Variants in HTR4 observed in about 807,000 individuals in gnomAD.
HTR4 encodes 5-hydroxytryptamine receptor 4.
HTR4 carries 16 observed loss-of-function variants against 36.8 expected under a neutral mutation model. That is an observed-to-expected ratio of 0.43 (90% confidence interval 0.29 to 0.66). The LOEUF is 0.66. HTR4 is among the 30% of genes least tolerant of loss of function. The pLI, the probability that HTR4 is intolerant of heterozygous loss-of-function variation, is 0.13. For missense variants in HTR4, 438 were observed against 490.9 expected (o/e 0.89, Z 1.02); for synonymous variants, 189 against 185.1 (o/e 1.02, Z -0.17).
chr5:148,631,373 AAG>A (rs933642574), intron 2 of HTR4, among the ~76,000 whole-genome samples: 4 of 152,136 alleles, frequency 2.6e-5, no homozygotes, highest in Admixed American at 2.6e-4. Context: ...TCCGAGCCTG[AAG>A]AGAGATTTCC....
intron 6 of HTR4, among the ~76,000 whole-genome samples, chr5:148,499,646 C>A (rs1756844857): frequency 6.6e-6 from 1 of 152,142 alleles, no homozygotes. Context: ...AGGGATGACT[C>A]AGAAAACTTG....
intron 5 of HTR4, among the ~76,000 whole-genome samples, chr5:148,468,501 G>A (rs1332174900): frequency 2.0e-5 from 3 of 152,166 alleles, no homozygotes; most frequent in African/African-American, 4.8e-5. Flanking sequence ...GGGATCCATA[G>A]GGGTGTCTTT....
intron 6 of HTR4, chr5:148,484,236 G>T (rs772766207): frequency 1.2e-6 from 2 of 1,605,160 alleles, no homozygotes; most frequent in Non-Finnish European, 1.7e-6. Flanking sequence ...TGTTGAGCAA[G>T]ATAAAACAGA....
intron 5 of HTR4, among the ~76,000 whole-genome samples, chr5:148,470,247 CCT>C (rs1489281040): frequency 6.6e-6 from 1 of 152,106 alleles, no homozygotes; most frequent in African/African-American, 2.4e-5. Flanking sequence ...TATATATAAG[CCT>C]CCTTTTTCAG....
chr5:148,559,092 G>A (rs1260037675), intron 2 of HTR4, among the ~76,000 whole-genome samples: 2 of 152,208 alleles, frequency 1.3e-5, no homozygotes, highest in Admixed American at 6.5e-5. Context: ...TAGAGCGTAG[G>A]TTGTTTACCT....
chr5:148,566,482 C>T (rs896048006), intron 2 of HTR4, among the ~76,000 whole-genome samples: 3 of 152,054 alleles, frequency 2.0e-5, no homozygotes, highest in Non-Finnish European at 2.9e-5. Context: ...GATCTGTGGA[C>T]GTGGTGGTGA....
At chr5:148,457,845 C>A (rs1000790069) in intron 5 of HTR4, among the ~76,000 whole-genome samples, 3 of 134,926 alleles carry the variant, frequency 2.2e-5, no homozygotes, top group South Asian at 2.3e-4. Flanking sequence ...TTTGTTATAT[C>A]ATTAAAATAT....
chr5:148,501,530 G>A (rs146642308), intron 6 of HTR4, among the ~76,000 whole-genome samples: 118 of 152,260 alleles, frequency 7.7e-4, no homozygotes, highest in African/African-American at 2.8e-3. Context: ...TAAAACAATT[G>A]ATCAGAAGAA....
intron 2 of HTR4, among the ~76,000 whole-genome samples, chr5:148,596,025 C>A (rs1319915690): frequency 6.6e-6 from 1 of 152,218 alleles, no homozygotes; most frequent in Admixed American, 6.5e-5. Context: ...GGCTGCAAAT[C>A]AATTGCAGCA....
At chr5:148,642,815 C>T (rs188784594) in intron 1 of HTR4, among the ~76,000 whole-genome samples, 5 of 152,234 alleles carry the variant, frequency 3.3e-5, no homozygotes, top group East Asian at 3.9e-4. Flanking sequence ...TTATAGGATG[C>T]TGTCCTAGCA....
intron 2 of HTR4, among the ~76,000 whole-genome samples, chr5:148,569,062 AAGAC>A (rs1220064392): frequency 6.6e-6 from 1 of 151,610 alleles, no homozygotes; most frequent in East Asian, 1.9e-4. Context: ...TTGTAGGGTC[AAGAC>A]AGACAGAAGA....
intron 5 of HTR4, among the ~76,000 whole-genome samples, chr5:148,451,994 C>T (rs982502917): frequency 6.6e-6 from 1 of 152,210 alleles, no homozygotes; most frequent in Non-Finnish European, 1.5e-5. Flanking sequence ...GTTCACCACT[C>T]ATTTCTCTGA....
chr5:148,638,247 G>A (rs1753615397), intron 1 of HTR4, among the ~76,000 whole-genome samples: 1 of 152,210 alleles, frequency 6.6e-6, no homozygotes, highest in South Asian at 2.1e-4. Flanking sequence ...TTCTGGGCCT[G>A]GGGCAGGCAT....
At chr5:148,615,244 A>G (rs946516583) in intron 2 of HTR4, among the ~76,000 whole-genome samples, 18 of 152,150 alleles carry the variant, frequency 1.2e-4, no homozygotes, top group East Asian at 3.9e-4. Flanking sequence ...TGTTTATTGC[A>G]GCATTATTCA....
chr5:148,587,716 G>A (rs1351323607), intron 2 of HTR4, among the ~76,000 whole-genome samples: 1 of 152,144 alleles, frequency 6.6e-6, no homozygotes, highest in Non-Finnish European at 1.5e-5. Flanking sequence ...GATCCAAACT[G>A]TGGGAGAGAA....
intron 2 of HTR4, among the ~76,000 whole-genome samples, chr5:148,576,110 CAAAAAAAAAA>C (rs781780161): frequency 4.0e-4 from 13 of 32,708 alleles, no homozygotes; most frequent in African/African-American, 1.5e-3. Flanking sequence ...GACTCCGTCT[CAAAAAAAAAA>C]AAAAAAAAAA....
chr5:148,505,767 A>T (rs1166245069), intron 6 of HTR4, among the ~76,000 whole-genome samples: 3 of 152,080 alleles, frequency 2.0e-5, no homozygotes, highest in Admixed American at 6.6e-5. Flanking sequence ...TGAACTCCCA[A>T]TCACAATTGC....
At position 148,482,758 on chromosome 5, in the gene HTR4, C is replaced by G. The variant is rs1436704020; in HGVS notation, c.*445G>C. On this transcript the variant is annotated 3_prime_UTR_variant, in exon 7 of 7. Coordinates refer to ENST00000377888, the MANE Select transcript of HTR4 (RefSeq NM_000870.7). ...CAAGTAAGCAAGACAGGAGCGACGCCTCTGGCTAAGACAGGAACAGAGAGG... is the reference window on the plus strand; with the variant it reads ...CAAGTAAGCAAGACAGGAGCGACGCGTCTGGCTAAGACAGGAACAGAGAGG... 1 of 1,020,970 alleles carries G rather than the reference C, an allele frequency of 9.8e-7. No homozygotes were observed. The highest frequency in any genetic ancestry group is 5.0e-5 in the Admixed American group (1 of 19,826). The allele number at this position is 1,020,970 out of a possible 1,614,324, so 63.2% of individuals were successfully genotyped here.
chr5:148,482,679 G>A lies in HTR4; in HGVS notation c.*524C>T. On this transcript the variant is annotated 3_prime_UTR_variant, in exon 7 of 7. Transcript: ENST00000377888. ...TGTGTTAGCGTCTGGCACAGAACAGGGCGAAGAAGAGGCAGGGGATAGCTT... is the reference window on the plus strand; with the variant it reads ...TGTGTTAGCGTCTGGCACAGAACAGAGCGAAGAAGAGGCAGGGGATAGCTT... 3.0e-6 allele frequency: 3 copies of A among 1,004,604 alleles called. No individual in the cohort carries two copies. The highest frequency in any genetic ancestry group is 3.6e-6 in the Non-Finnish European group (3 of 839,902). 62.2% of individuals were successfully genotyped at this position (1,004,604 alleles called of 1,614,324 possible). A position where few individuals can be genotyped will look rare whatever the true frequency, so the allele number is the denominator to read the frequency against.
Sources: allele counts gnomAD v4.1 joint callset (sites outside exome capture counted in the v4.1 genomes callset), GRCh38; gene constraint gnomAD v4.1.1; transcripts MANE v1.5; gene names NCBI Gene and HGNC (gene_info 2026-07-23, HGNC 2026-07-21).